CNTN3: variants seen among roughly 807,000 people sequenced by gnomAD.
The protein encoded by CNTN3 is contactin 3, also known as contactin-3.
CNTN3 carries 60 observed loss-of-function variants against 119.1 expected under a neutral mutation model. That is an observed-to-expected ratio of 0.50 (90% CI 0.41 to 0.62). CNTN3 has a LOEUF of 0.62. Among genes scored for constraint, CNTN3 ranks in the 20% least tolerant of loss-of-function variants. The pLI, the probability that CNTN3 is intolerant of heterozygous loss-of-function variation, is 0.00. For synonymous variants in CNTN3, 450 were observed against 438.7 expected, an observed-to-expected ratio of 1.03 and a Z score of -0.32; for missense variants, 1,101 against 1,242.4, an observed-to-expected ratio of 0.89 and a Z score of 1.71.
intron 1 of CNTN3, among the ~76,000 whole-genome samples, chr3:74,568,154 A>AC (rs1704255834): frequency 6.6e-6 from 1 of 151,700 alleles, no homozygotes; most frequent in South Asian, 2.1e-4. Context: ...CTTAAAAAAA[A>AC]ATTAAATGAC....
At chr3:74,278,396 G>A (rs1559677160) in intron 20 of CNTN3, among the ~76,000 whole-genome samples, 2 of 152,228 alleles carry the variant, frequency 1.3e-5, no homozygotes, top group South Asian at 4.1e-4. Flanking sequence ...CATGGTACTG[G>A]TACAAAAGTA....
intron 5 of CNTN3, among the ~76,000 whole-genome samples, chr3:74,391,858 A>T (rs1302404974): frequency 1.3e-5 from 2 of 152,120 alleles, no homozygotes; most frequent in African/African-American, 4.8e-5. Context: ...GGGTTTCACC[A>T]TGTTGGTCAG....
At chr3:74,317,024 A>T (rs1317994067) in intron 13 of CNTN3, among the ~76,000 whole-genome samples, 1 of 151,228 alleles carries the variant, frequency 6.6e-6, no homozygotes, top group South Asian at 2.1e-4. Context: ...GTGCTCCTGT[A>T]TTGGGTGCAT....
intron 13 of CNTN3, among the ~76,000 whole-genome samples, chr3:74,315,897 C>A (rs1265235411): frequency 6.6e-6 from 1 of 151,820 alleles, no homozygotes; most frequent in African/African-American, 2.4e-5. Context: ...ATGGAAATAC[C>A]CCATAAAAAC....
intron 4 of CNTN3, among the ~76,000 whole-genome samples, chr3:74,436,815 AT>A: frequency 6.6e-6 from 1 of 152,192 alleles, no homozygotes; most frequent in Non-Finnish European, 1.5e-5. Flanking sequence ...TTTCAGAAAT[AT>A]TTTTTAAATA....
At chr3:74,452,366 G>A (rs1161705610) in intron 4 of CNTN3, among the ~76,000 whole-genome samples, 3 of 126,744 alleles carry the variant, frequency 2.4e-5, no homozygotes, top group East Asian at 4.8e-4. Flanking sequence ...CATTGATTTT[G>A]TATCCTGAGA....
At chr3:74,340,870 A>G (rs565419749) in intron 11 of CNTN3, among the ~76,000 whole-genome samples, 1 of 152,276 alleles carries the variant, frequency 6.6e-6, no homozygotes, top group African/African-American at 2.4e-5. Context: ...AAACAGAGGT[A>G]GGTAATTTCA....
Position 74,307,303 on chromosome 3 carries a change from C to CT in CNTN3, c.1669-4497dup, listed in dbSNP as rs1390800962. 3.3e-5 allele frequency among the ~76,000 whole-genome samples: 5 copies of CT among 152,040 alleles called. No individual in the cohort carries two copies. The South Asian group carries it at 8.3e-4, about 25-fold the overall frequency. Reference sequence around the variant, plus strand: ...CATCTTAATGACAGTAATATTTTTTCTTTTTTGTAGTTTTACAATATCTAC... The same window carrying CT: ...CATCTTAATGACAGTAATATTTTTTCTTTTTTTGTAGTTTTACAATATCTAC... On this transcript the variant is annotated intron_variant, in intron 13 of 22. Coordinates refer to ENST00000263665, the MANE Select transcript of CNTN3 (RefSeq NM_020872.3).
intron 2 of CNTN3, among the ~76,000 whole-genome samples, chr3:74,518,611 C>T (rs1340845614): frequency 6.6e-6 from 1 of 151,946 alleles, no homozygotes; most frequent in Admixed American, 6.6e-5. Context: ...TGATCATTTT[C>T]TCAGTGATTT....
intron 1 of CNTN3, among the ~76,000 whole-genome samples, chr3:74,533,429 A>G (rs1303002043): frequency 1.3e-5 from 2 of 151,982 alleles, no homozygotes; most frequent in African/African-American, 4.8e-5. Flanking sequence ...TATCCAAACC[A>G]CAATTCTGGC....
At chr3:74,443,284 T>C (rs982720282) in intron 4 of CNTN3, among the ~76,000 whole-genome samples, 1 of 152,172 alleles carries the variant, frequency 6.6e-6, no homozygotes. Flanking sequence ...TTCTGGGCCC[T>C]TGGATCCTTT....
chr3:74,340,602 G>T (rs1239737786), intron 11 of CNTN3, among the ~76,000 whole-genome samples: 1 of 152,112 alleles, frequency 6.6e-6, no homozygotes, highest in African/African-American at 2.4e-5. Flanking sequence ...TTATTAAAAA[G>T]AAAATGCAGA....
intron 5 of CNTN3, among the ~76,000 whole-genome samples, chr3:74,422,714 A>G (rs1701635633): frequency 2.0e-5 from 3 of 152,210 alleles, no homozygotes; most frequent in African/African-American, 7.2e-5. Flanking sequence ...AACTGATCAC[A>G]ACCAAGACTA....
intron 3 of CNTN3, among the ~76,000 whole-genome samples, chr3:74,492,467 T>C (rs1702982270): frequency 1.3e-5 from 2 of 152,158 alleles, no homozygotes; most frequent in South Asian, 4.1e-4. Flanking sequence ...GGACCAAGCC[T>C]AATAAAATAT....
intron 5 of CNTN3, among the ~76,000 whole-genome samples, chr3:74,379,342 G>A (rs1704556552): frequency 6.6e-6 from 1 of 152,094 alleles, no homozygotes; most frequent in Admixed American, 6.6e-5. Flanking sequence ...TTTTAGTAGA[G>A]ACGGGGTTTC....
At chr3:74,412,138 TC>T (rs1403146272) in intron 5 of CNTN3, among the ~76,000 whole-genome samples, 1 of 152,206 alleles carries the variant, frequency 6.6e-6, no homozygotes, top group African/African-American at 2.4e-5. Context: ...TTAGCTGACA[TC>T]TGTCAACTGA....
chr3:74,310,539 G>A (rs1344152916), intron 13 of CNTN3, among the ~76,000 whole-genome samples: 5 of 152,246 alleles, frequency 3.3e-5, no homozygotes, highest in South Asian at 4.1e-4. Context: ...TGGGACCTTG[G>A]TTCTTATTGA....
chr3:74,381,084 T>TCA (rs1357041258), intron 5 of CNTN3, among the ~76,000 whole-genome samples: 33 of 149,986 alleles, frequency 2.2e-4, no homozygotes, highest in Non-Finnish European at 3.9e-4. Context: ...TCTCTCTCTC[T>TCA]CTCACACACA....
intron 5 of CNTN3, among the ~76,000 whole-genome samples, chr3:74,385,771 T>C (rs1283626093): frequency 6.6e-6 from 1 of 152,240 alleles, no homozygotes; most frequent in African/African-American, 2.4e-5. Flanking sequence ...ACTAATTCTA[T>C]ATTATAAAAT....
Sources: allele counts gnomAD v4.1 joint callset (sites outside exome capture counted in the v4.1 genomes callset), GRCh38; gene constraint gnomAD v4.1.1; transcripts MANE v1.5; gene names NCBI Gene and HGNC (gene_info 2026-07-23, HGNC 2026-07-21).